The following CAD variants were observed in gnomAD, a reference collection of about 807,000 sequenced individuals.
CAD encodes the protein carbamoyl-phosphate synthetase 2, aspartate transcarbamylase, and dihydroorotase.
Under a neutral mutation model 237.2 loss-of-function variants are expected in CAD, and 81 were observed. The ratio of observed to expected loss-of-function variants is 0.34; its 90% CI spans 0.29 to 0.41. The LOEUF is 0.41. Among genes scored for constraint, CAD ranks in the 10% least tolerant of loss-of-function variants. CAD has a pLI of 1.00. For synonymous variants in CAD, 1,196 were observed against 1,162.8 expected (o/e 1.03, Z -0.58); for missense variants, 2,181 against 2,951.7 (o/e 0.74, Z 6.05).
intron 30 of CAD, 42 bp downstream of exon 30, chr2:27,238,229 C>G: frequency 6.2e-7 from 1 of 1,604,870 alleles, no homozygotes; most frequent in Non-Finnish European, 8.5e-7. Flanking sequence ...GTTGCTTTCC[C>G]AGTAACACCA....
rs1558541849 is a variant in CAD, at chr2:27,237,902, CAGG to C, written c.4728+24_4728+26del. The C allele has an allele frequency of 1.3e-6, 2 of 1,589,870 alleles. No individual in the cohort carries two copies. Among genetic ancestry groups the C allele is most frequent in the South Asian group, 2.3e-5 (2 of 88,146 alleles). On this transcript the variant is annotated intron_variant, in intron 29 of 43. Transcript: ENST00000264705. This position sits in a 1 kb window ranked among gnomAD's most constrained non-coding sequence, Gnocchi z 4.0. Reference sequence around the variant, plus strand: ...ATGGAGGTAGGGAGTGTGCATGTGGCAGGAGGCCACCACCCAGTGTCTCCTGGC... The same window carrying C: ...ATGGAGGTAGGGAGTGTGCATGTGGCAGGCCACCACCCAGTGTCTCCTGGC...
chr2:27,221,056 CGTT>C (rs1675140231), intron 2 of CAD, among the ~76,000 whole-genome samples, 159 bp from the exon 3 acceptor site: 1 of 152,046 alleles, frequency 6.6e-6, no homozygotes, highest in Admixed American at 6.5e-5. Flanking sequence ...TAGGAGAGAG[CGTT>C]GTTGGTAAAT....
Position 27,238,513 on chromosome 2 carries a change from A to G in CAD, c.4943A>G (p.Asp1648Gly), listed in dbSNP as rs748960431. Reference sequence around the variant, plus strand: ...CCCCACCACCTGTTCCTAAGCCATGATGACCTGGAGCGCCTGGGGCCTGGG... The same window carrying G: ...CCCCACCACCTGTTCCTAAGCCATGGTGACCTGGAGCGCCTGGGGCCTGGG... Reference protein sequence around the residue: ...VAPHHLFLSHDDLERLGPGKG... With the variant: ...VAPHHLFLSHGDLERLGPGKG... Residue 1648 changes from aspartate (D) to glycine (G), a missense_variant, in exon 31 of 44, where the codon GAT becomes GGT. By Grantham distance (94) the Asp-to-Gly change is moderately conservative (BLOSUM62 -1). Coordinates refer to ENST00000264705, the MANE Select transcript of CAD (RefSeq NM_004341.5). The G allele has an allele frequency of 3.1e-6, 5 of 1,613,630 alleles. No individual in the cohort carries two copies. In the Admixed American group the frequency reaches 8.3e-5, roughly 27 times the overall value.
At position 27,243,273 on chromosome 2, in the gene CAD, C is replaced by T. The variant is rs1676413783; in HGVS notation, c.6556C>T (p.Pro2186Ser). The change falls in exon 43 of 44, where the codon CCC becomes TCC. Residue 2186 changes from proline (P) to serine (S), a missense_variant. Coordinates refer to ENST00000264705, the MANE Select transcript of CAD (RefSeq NM_004341.5). ...KKKMVVMHPM[P>S]RVNEISVEVD... ...GAAGATGGTGGTGATGCACCCGATG[C>T]CCCGTGTCAACGAGATAAGGTGGTG... The T allele has an allele frequency of 1.5e-5, 24 of 1,614,070 alleles. No homozygotes were observed. Among genetic ancestry groups the T allele is most frequent in the Non-Finnish European group, 2.0e-5 (24 of 1,180,002 alleles).
chr2:27,236,546 G>T lies in CAD; in HGVS notation c.4314+23G>T. On this transcript the variant is annotated intron_variant, in intron 26 of 43. Coordinates refer to ENST00000264705, the MANE Select transcript of CAD (RefSeq NM_004341.5). This position sits in a 1 kb window ranked among gnomAD's most constrained non-coding sequence, Gnocchi z 4.1. ...GAGGTAACTGAGACCCATGTGCTGGGAGGGAGACTGCCAGTGTTGATGGGA... is the reference window on the plus strand; with the variant it reads ...GAGGTAACTGAGACCCATGTGCTGGTAGGGAGACTGCCAGTGTTGATGGGA... The T allele has an allele frequency of 6.2e-7, 1 of 1,607,028 alleles. No homozygotes were observed.
chr2:27,226,430 T>G, intron 13 of CAD, 95 bp from the exon 14 acceptor site: 2 of 1,551,912 alleles, frequency 1.3e-6, no homozygotes, highest in East Asian at 4.5e-5. Flanking sequence ...GAGTACAAGC[T>G]GGAATCTTCT....
chr2:27,236,891 A>G lies in CAD; in HGVS notation c.4396+61A>G. The G allele has an allele frequency of 7.3e-7, 1 of 1,374,746 alleles. No homozygotes were observed. Among genetic ancestry groups the G allele is most frequent in the Non-Finnish European group, 1.0e-6 (1 of 961,450 alleles). 85.2% of individuals were successfully genotyped at this position (1,374,746 alleles called of 1,614,324 possible). On this transcript the variant is annotated intron_variant, in intron 27 of 43. Transcript: ENST00000264705. This position sits in a 1 kb window ranked among gnomAD's most constrained non-coding sequence, Gnocchi z 4.1. ...GGCAGCCCCTGGCATAGAGACCTGCAGTGTGGTGAAGGATGGCTGGGGGGC... is the reference window on the plus strand; with the variant it reads ...GGCAGCCCCTGGCATAGAGACCTGCGGTGTGGTGAAGGATGGCTGGGGGGC...
rs551837149 is a variant in CAD, at chr2:27,233,281, G to T, written c.2992-31G>T. The T allele has an allele frequency of 5.1e-5, 81 of 1,589,682 alleles. No homozygotes were observed. The South Asian group carries it at 8.3e-4, about 16-fold the overall frequency. ...GCTCAGATTCCTGCCCTCTTTTGCT[G>T]CCACCACTTGTTTCTCCCCCTGCAA... On this transcript the variant is annotated intron_variant, in intron 19 of 43. Coordinates refer to ENST00000264705, the MANE Select transcript of CAD (RefSeq NM_004341.5). This position sits in a 1 kb window ranked among gnomAD's most constrained non-coding sequence, Gnocchi z 6.3.
In CAD at chr2:27,241,312, T is replaced by A. The variant is rs1317484574; in HGVS notation, c.5809-10T>A. 6.2e-7 allele frequency: 1 copy of A among 1,614,124 alleles called. No homozygotes were observed. The highest frequency in any genetic ancestry group is 1.7e-5 in the Admixed American group (1 of 60,016). On this transcript the variant is annotated splice_polypyrimidine_tract_variant and intron_variant, in intron 37 of 43. Coordinates refer to ENST00000264705, the MANE Select transcript of CAD (RefSeq NM_004341.5). The surrounding 1 kb of genome is among the most constrained non-coding windows in gnomAD (Gnocchi z 4.6). ...TAGGACCTTTCTAGCTAACTTGGGCTCTTTCTTAGATGTCTCACCTGTTCA... is the reference window on the plus strand; with the variant it reads ...TAGGACCTTTCTAGCTAACTTGGGCACTTTCTTAGATGTCTCACCTGTTCA...
In CAD at chr2:27,233,093, G is replaced by A. The variant is rs1259923836; in HGVS notation, c.2944G>A (p.Asp982Asn). The change falls in exon 19 of 44, where the codon GAC becomes AAC. Residue 982 changes from aspartate to asparagine, a missense_variant. Coordinates refer to ENST00000264705, the MANE Select transcript of CAD (RefSeq NM_004341.5). The surrounding 1 kb of genome is among the most constrained non-coding windows in gnomAD (Gnocchi z 6.3). The part of the protein sequence containing the change: ...VNYNPETVST[D>N]YDMCDRLYFD... ...CTATAACCCAGAGACAGTCAGCACCGACTATGACATGTGTGATCGACTCTA... is the reference window on the plus strand; with the variant it reads ...CTATAACCCAGAGACAGTCAGCACCAACTATGACATGTGTGATCGACTCTA... The A allele has an allele frequency of 3.7e-6, 6 of 1,613,726 alleles. No individual in the cohort carries two copies. The highest frequency in any genetic ancestry group is 1.7e-5 in the Admixed American group (1 of 60,002).
chr2:27,230,832 G>A (rs1226557078), intron 15 of CAD, among the ~76,000 whole-genome samples: 2 of 152,134 alleles, frequency 1.3e-5, no homozygotes, highest in African/African-American at 4.8e-5. Flanking sequence ...GCCATCAGTG[G>A]TTTGGGCCAC....
At chr2:27,226,501 T>G (rs998294337) in intron 13 of CAD, 24 bp from the exon 14 acceptor site, 1 of 1,613,364 alleles carries the variant, frequency 6.2e-7, no homozygotes, top group Admixed American at 1.7e-5. Flanking sequence ...TCTAGGCCAG[T>G]GACTTTATTC....
chr2:27,243,124 G>T (rs1024129091), intron 42 of CAD, 74 bp from the exon 43 acceptor site: 5 of 1,485,274 alleles, frequency 3.4e-6, no homozygotes, highest in Non-Finnish European at 4.7e-6. Context: ...GGGGACCCCA[G>T]TGGAGCCCAG....
chr2:27,226,483 C>G lies in CAD; in HGVS notation c.2032-42C>G, dbSNP rs757222731. ...TCTCCTTTCTGAGACCTCTCCTAGA[C>G]AGGGTCTTCTAGGCCAGTGACTTTA... On this transcript the variant is annotated intron_variant, in intron 13 of 43. Transcript: ENST00000264705. 1.3e-5 allele frequency: 21 copies of G among 1,605,178 alleles called. 1 individual carries two copies. Among genetic ancestry groups the G allele is most frequent in the Non-Finnish European group, 1.7e-5 (20 of 1,172,558 alleles).
chr2:27,238,697 A>G (rs1053510624), intron 31 of CAD, 65 bp downstream of exon 31: 46 of 1,468,732 alleles, frequency 3.1e-5, no homozygotes, highest in Non-Finnish European at 1.9e-5. Flanking sequence ...TAGCAAGAAA[A>G]TGGGAAGCAG....
In CAD at chr2:27,235,007, G is replaced by A. The variant is rs1203536073; in HGVS notation, c.3787-238G>A. On this transcript the variant is annotated intron_variant, in intron 23 of 43. Coordinates refer to ENST00000264705, the MANE Select transcript of CAD (RefSeq NM_004341.5). This position sits in a 1 kb window ranked among gnomAD's most constrained non-coding sequence, Gnocchi z 5.2. ...GATCTGGGAAGGCTTGAGCGAAGGG[G>A]TGCTATTTGAATTGAGTTTTGAAGG... Among the ~76,000 whole-genome samples the A allele has an allele frequency of 5.3e-5, 8 of 152,180 alleles. No individual in the cohort carries two copies. The highest frequency in any genetic ancestry group is 1.7e-4 in the African/African-American group (7 of 41,434).
intron 5 of CAD, 72 bp from the exon 6 acceptor site, chr2:27,222,794 C>CT: frequency 6.3e-7 from 1 of 1,577,474 alleles, no homozygotes; most frequent in Non-Finnish European, 8.7e-7. Flanking sequence ...CTCTCATGGG[C>CT]TGGGGGGGCT....
intron 15 of CAD, among the ~76,000 whole-genome samples, chr2:27,229,162 C>T (rs1675598792): frequency 3.3e-5 from 5 of 152,044 alleles, no homozygotes; most frequent in Admixed American, 2.6e-4. Context: ...TCGTGATCCG[C>T]CTGCCTCGGC....
chr2:27,232,956 A>G lies in CAD; in HGVS notation c.2893-86A>G. 5.3e-6 allele frequency: 5 copies of G among 948,176 alleles called. No individual in the cohort carries two copies. In the South Asian group the frequency reaches 5.3e-5, roughly 10 times the overall value. 58.7% of individuals were successfully genotyped at this position (948,176 alleles called of 1,614,324 possible). A position where few individuals can be genotyped will look rare whatever the true frequency, so the allele number is the denominator to read the frequency against. On this transcript the variant is annotated intron_variant, in intron 18 of 43. Transcript: ENST00000264705. This position sits in a 1 kb window ranked among gnomAD's most constrained non-coding sequence, Gnocchi z 4.1. ...AAGCTGTGCTGGCAGTCTCTGAAGT[A>G]GGGGCTTTGGCTTAGTTTCTCCACG...
Sources: allele counts gnomAD v4.1 joint callset (sites outside exome capture counted in the v4.1 genomes callset), GRCh38; gene constraint gnomAD v4.1.1; non-coding constraint Gnocchi (gnomAD v3.1); transcripts MANE v1.5; gene names NCBI Gene and HGNC (gene_info 2026-07-23, HGNC 2026-07-21).